ABCC1: variants seen among roughly 807,000 people sequenced by gnomAD.
ABCC1 encodes the protein multidrug resistance-associated protein 1.
A neutral mutation model predicts 172.9 loss-of-function variants in ABCC1; 83 were observed. That is an observed-to-expected ratio of 0.48 (90% CI 0.40 to 0.58). ABCC1 has a LOEUF of 0.58. Among genes scored for constraint, ABCC1 ranks in the 20% least tolerant of loss-of-function variants. The probability of loss-of-function intolerance (pLI) is 0.00; values close to 1 mark genes in which losing one functional copy is unlikely to be tolerated. For missense variants in ABCC1, 1,817 were observed against 2,002.7 expected (o/e 0.91, Z 1.77); for synonymous variants, 937 against 825.2 (o/e 1.14, Z -2.32).
intron 12 of ABCC1, among the ~76,000 whole-genome samples, chr16:16,065,188 G>C (rs1244378979): frequency 6.6e-6 from 1 of 152,316 alleles, no homozygotes; most frequent in Admixed American, 6.5e-5. Context: ...TTACAAATCA[G>C]CTGGGCCTTG....
intron 19 of ABCC1, among the ~76,000 whole-genome samples, chr16:16,099,322 A>G (rs1313736952): frequency 6.6e-6 from 1 of 152,194 alleles, no homozygotes; most frequent in Non-Finnish European, 1.5e-5. Context: ...ATGCAGGGTG[A>G]TCAGCGCCTG....
chr16:16,103,977 T>C (rs541364670), intron 20 of ABCC1, among the ~76,000 whole-genome samples: 54 of 152,288 alleles, frequency 3.5e-4, no homozygotes, highest in African/African-American at 9.9e-4. Flanking sequence ...GTTCGTGGTC[T>C]CGCTGGCCTC....
At chr16:16,108,065 G>T (rs915012869) in intron 21 of ABCC1, among the ~76,000 whole-genome samples, 1 of 151,910 alleles carries the variant, frequency 6.6e-6, no homozygotes, top group South Asian at 2.1e-4. Context: ...GTCCTCTCTC[G>T]CCTTACCCTT....
chr16:16,051,772 C>G (rs1227853070), intron 10 of ABCC1, among the ~76,000 whole-genome samples: 1 of 152,072 alleles, frequency 6.6e-6, no homozygotes, highest in Non-Finnish European at 1.5e-5. Context: ...ATTGTTTGTA[C>G]AAACAGTTGA....
chr16:16,010,900 A>T (rs4781718), intron 3 of ABCC1, among the ~76,000 whole-genome samples: 33,501 of 152,036 alleles, frequency 0.22, 4,721 homozygotes, highest in African/African-American at 0.39. Flanking sequence ...TGAGCCCTGA[A>T]CAGAGAGTTC....
chr16:15,971,225 A>G (rs765519843), intron 1 of ABCC1, among the ~76,000 whole-genome samples: 16 of 152,164 alleles, frequency 1.1e-4, no homozygotes, highest in Non-Finnish European at 2.2e-4. Flanking sequence ...CATGTCTTTC[A>G]CGTAGCGCAT....
At chr16:16,108,897 C>G (rs2052264258) in intron 21 of ABCC1, among the ~76,000 whole-genome samples, 1 of 151,866 alleles carries the variant, frequency 6.6e-6, no homozygotes, top group Admixed American at 6.6e-5. Context: ...TGGCCACACA[C>G]TTGTCATTTC....
chr16:15,956,398 C>G (rs2045998977), intron 1 of ABCC1, among the ~76,000 whole-genome samples: 1 of 151,388 alleles, frequency 6.6e-6, no homozygotes, highest in Non-Finnish European at 1.5e-5. Context: ...AAAGAAAATT[C>G]AGGTCTAACT....
chr16:16,052,892 C>A (rs2049493402), intron 11 of ABCC1, 76 bp downstream of exon 11: 2 of 1,423,072 alleles, frequency 1.4e-6, no homozygotes, highest in Non-Finnish European at 9.9e-7. Context: ...TAGTCCAGTT[C>A]CTTCTGCTCT....
At chr16:16,075,156 G>A (rs182906314) in intron 14 of ABCC1, among the ~76,000 whole-genome samples, 1 of 152,016 alleles carries the variant, frequency 6.6e-6, no homozygotes, top group South Asian at 2.1e-4. Flanking sequence ...CGTTGGCCAG[G>A]CTGGTCTCGA....
Position 16,102,695 on chromosome 16 carries a change from A to C in ABCC1, c.2713A>C (p.Ser905Arg). Reference sequence around the variant, plus strand: ...GGAGAATGGCATGCTGGTGACGGACAGTGCAGGGAAGCAACTGCAGAGGTA... The same window carrying C: ...GGAGAATGGCATGCTGGTGACGGACCGTGCAGGGAAGCAACTGCAGAGGTA... ...QMENGMLVTD[S>R]AGKQLQRQLS... Residue 905 changes from serine to arginine, a missense_variant, in exon 20 of 31, where the codon AGT becomes CGT. Around this residue, in one of 3 missense-constraint regions of ABCC1, gnomAD observed 1,412 missense variants for 1,600.3 expected, o/e 0.88. Transcript: ENST00000399410. 6.3e-7 allele frequency: 1 copy of C among 1,585,234 alleles called. No individual in the cohort carries two copies. Among genetic ancestry groups the C allele is most frequent in the Non-Finnish European group, 8.6e-7 (1 of 1,165,388 alleles).
At position 16,052,719 on chromosome 16, in the gene ABCC1, C is replaced by G. The variant is rs8187856; in HGVS notation, c.1381-5C>G. 6,589 of 1,613,990 alleles carry G rather than the reference C, an allele frequency of 4.1e-3. 160 individuals are homozygous for G. In the African/African-American group the frequency reaches 0.065, roughly 16 times the overall value. On this transcript the variant is annotated splice_polypyrimidine_tract_variant and splice_region_variant and intron_variant, in intron 10 of 30. Coordinates refer to ENST00000399410, the MANE Select transcript of ABCC1 (RefSeq NM_004996.4). ...AGTGATGAAGAGTCTCCTTTCCTTC[C>G]TTAGAATCTGGGCCCTTCCGTCCTG...
intron 19 of ABCC1, among the ~76,000 whole-genome samples, chr16:16,101,092 C>T (rs2051723270): frequency 6.6e-6 from 1 of 151,630 alleles, no homozygotes; most frequent in African/African-American, 2.4e-5. Context: ...AGTGTGGTAG[C>T]ATGATTTCAG....
chr16:16,085,655 C>T (rs181113679), intron 17 of ABCC1, among the ~76,000 whole-genome samples: 1 of 152,344 alleles, frequency 6.6e-6, no homozygotes, highest in East Asian at 1.9e-4. Context: ...TGCCGTGCAC[C>T]TGTGGTCCCA....
chr16:15,993,549 T>C (rs1031153420), intron 1 of ABCC1, among the ~76,000 whole-genome samples: 2 of 152,144 alleles, frequency 1.3e-5, no homozygotes, highest in African/African-American at 2.4e-5. Context: ...TACTATCATC[T>C]AGTGGCAGAG....
At chr16:16,074,456 C>T (rs1254028366) in intron 14 of ABCC1, among the ~76,000 whole-genome samples, 11 of 152,140 alleles carry the variant, frequency 7.2e-5, no homozygotes, top group Non-Finnish European at 1.5e-4. Flanking sequence ...TTGAGGTGGC[C>T]GGCGGTGGGT....
At chr16:16,131,581 GCTGAGAGGGTGCT>G (rs540191785) in intron 26 of ABCC1, among the ~76,000 whole-genome samples, 195 bp from the exon 27 acceptor site, 115 of 152,204 alleles carry the variant, frequency 7.6e-4, no homozygotes, top group Admixed American at 1.2e-3. Flanking sequence ...GGGACACAGG[GCTGAGAGGGTGCT>G]CTGTATCGAC....
At chr16:16,126,159 A>G (rs993666680) in intron 26 of ABCC1, among the ~76,000 whole-genome samples, 15 of 152,192 alleles carry the variant, frequency 9.9e-5, no homozygotes, top group African/African-American at 3.6e-4. Flanking sequence ...CTGTCAGGGC[A>G]TTCAGAAGGT....
intron 1 of ABCC1, among the ~76,000 whole-genome samples, chr16:16,006,871 C>CGGTTCCGGTGGCGGTGGCGGTGGT (rs2047552973): frequency 2.0e-5 from 3 of 148,030 alleles, no homozygotes; most frequent in Non-Finnish European, 3.0e-5. Context: ...GTGGCGGTGG[C>CGGTTCCGGTGGCGGTGGCGGTGGT]GGTGGCGGTG....
Sources: allele counts gnomAD v4.1 joint callset (sites outside exome capture counted in the v4.1 genomes callset), GRCh38; gene constraint gnomAD v4.1.1; regional missense constraint gnomAD v4.1.1; transcripts MANE v1.5; gene names NCBI Gene and HGNC (gene_info 2026-07-23, HGNC 2026-07-21).